Variants in NXPE2 observed in about 807,000 individuals in gnomAD.
NXPE2 encodes the protein neurexophilin and PC-esterase domain family member 2.
NXPE2 carries 34 observed loss-of-function variants against 34.4 expected under a neutral mutation model. The observed-to-expected ratio is 0.99, with a 90% CI of 0.75 to 1.31. The LOEUF is 1.31. Among genes scored for constraint, NXPE2 ranks in the 40% most tolerant of loss-of-function variants. NXPE2 has a pLI of 0.00. For missense variants in NXPE2, 649 were observed against 672.5 expected (o/e 0.97, Z 0.39); for synonymous variants, 235 against 231.3 (o/e 1.02, Z -0.15).
the NXPE2 span, among the ~76,000 whole-genome samples, chr11:114,651,801 A>C: frequency 2.9e-4 from 44 of 152,334 alleles, no homozygotes; most frequent in African/African-American, 1.0e-3. Flanking sequence ...CTAGACACAG[A>C]GTGCTGATTG....
At chr11:114,780,971 G>A in the NXPE2 span, among the ~76,000 whole-genome samples, 1 of 152,178 alleles carries the variant, frequency 6.6e-6, no homozygotes, top group African/African-American at 2.4e-5. Flanking sequence ...AGCGGCGTGA[G>A]GCTTGCCTAT....
chr11:114,594,709 T>C, the NXPE2 span: 5 of 1,604,590 alleles, frequency 3.1e-6, no homozygotes, highest in Non-Finnish European at 4.3e-6. Flanking sequence ...AGGAGGCTAA[T>C]ATAAACAACA....
At chr11:114,668,471 G>A in the NXPE2 span, among the ~76,000 whole-genome samples, 4 of 151,864 alleles carry the variant, frequency 2.6e-5, no homozygotes, top group African/African-American at 9.7e-5. Context: ...ACAAAAATTT[G>A]TGACAAGCAC....
At chr11:114,720,568 T>C in the NXPE2 span, among the ~76,000 whole-genome samples, 1 of 152,314 alleles carries the variant, frequency 6.6e-6, no homozygotes, top group South Asian at 2.1e-4. Flanking sequence ...ACACTTGAAA[T>C]GTAGCTGGTG....
chr11:114,613,649 T>G, the NXPE2 span, among the ~76,000 whole-genome samples: 1 of 151,860 alleles, frequency 6.6e-6, no homozygotes, highest in African/African-American at 2.4e-5. Flanking sequence ...AGTGTTGCCT[T>G]TGGTAACCAC....
At chr11:114,683,432 T>TA (rs1950982841) in intron 2 of NXPE2, among the ~76,000 whole-genome samples, 1 of 151,472 alleles carries the variant, frequency 6.6e-6, no homozygotes, top group Non-Finnish European at 1.5e-5. Flanking sequence ...AAAGTTTTTT[T>TA]TTTTTTTGAG....
the NXPE2 span, among the ~76,000 whole-genome samples, chr11:114,785,720 T>G: frequency 2.0e-5 from 3 of 152,194 alleles, no homozygotes; most frequent in Non-Finnish European, 2.9e-5. Flanking sequence ...CAACCAGAGC[T>G]CTTCACATTA....
the NXPE2 span, among the ~76,000 whole-genome samples, chr11:114,806,348 T>G: frequency 6.6e-6 from 1 of 152,184 alleles, no homozygotes; most frequent in Non-Finnish European, 1.5e-5. Context: ...AGACAGAGAA[T>G]GACTTGGACG....
chr11:114,790,748 A>G, the NXPE2 span, among the ~76,000 whole-genome samples: 1 of 152,324 alleles, frequency 6.6e-6, no homozygotes, highest in East Asian at 1.9e-4. Context: ...CTTTTCATTC[A>G]TCATCCTCTA....
At chr11:114,524,354 G>A in the NXPE2 span, among the ~76,000 whole-genome samples, 2 of 152,342 alleles carry the variant, frequency 1.3e-5, no homozygotes, top group East Asian at 3.9e-4. Flanking sequence ...TCCTTGCTTA[G>A]TTCCTCAGAG....
the NXPE2 span, among the ~76,000 whole-genome samples, chr11:114,660,833 TA>T: frequency 6.6e-6 from 1 of 152,150 alleles, no homozygotes; most frequent in Non-Finnish European, 1.5e-5. Context: ...TATGATTATC[TA>T]AATAGAAAAT....
the NXPE2 span, among the ~76,000 whole-genome samples, chr11:114,524,628 C>A: frequency 6.6e-6 from 1 of 152,022 alleles, no homozygotes; most frequent in African/African-American, 2.4e-5. Flanking sequence ...AATACCATGA[C>A]CCTGGAAACT....
At chr11:114,765,852 C>A in the NXPE2 span, among the ~76,000 whole-genome samples, 1 of 152,142 alleles carries the variant, frequency 6.6e-6, no homozygotes, top group Non-Finnish European at 1.5e-5. Context: ...CCTCTCTGCC[C>A]AATTCTTCTG....
chr11:114,527,225 A>G, the NXPE2 span: 1 of 152,426 alleles, frequency 6.6e-6, no homozygotes, highest in East Asian at 1.9e-4. Flanking sequence ...CACATTACCC[A>G]TATGATGTGA....
downstream of NXPE2, chr11:114,707,672 T>G (rs772747630): frequency 1.4e-4 from 23 of 167,014 alleles, no homozygotes; most frequent in Non-Finnish European, 2.7e-4. Flanking sequence ...AGAAACTTGG[T>G]ACCTATTAAA....
the NXPE2 span, among the ~76,000 whole-genome samples, chr11:114,585,845 C>A: frequency 6.6e-6 from 1 of 152,092 alleles, no homozygotes; most frequent in East Asian, 1.9e-4. Flanking sequence ...TGAATGCTGG[C>A]GGCTGTGTCA....
At chr11:114,492,496 G>A in the NXPE2 span, among the ~76,000 whole-genome samples, 3 of 151,630 alleles carry the variant, frequency 2.0e-5, no homozygotes, top group Admixed American at 1.3e-4. Flanking sequence ...ATATCTGTTA[G>A]GTCAACTTGA....
At chr11:114,573,471 AT>A in the NXPE2 span, among the ~76,000 whole-genome samples, 87,382 of 151,692 alleles carry the variant, frequency 0.58, 26,249 homozygotes, top group African/African-American at 0.76. Context: ...AAAGTCACCT[AT>A]TTAATAACAC....
the NXPE2 span, among the ~76,000 whole-genome samples, chr11:114,490,307 C>T: frequency 2.6e-5 from 4 of 152,010 alleles, no homozygotes; most frequent in South Asian, 8.3e-4. Flanking sequence ...ATTCATTGGC[C>T]TCCCCATCAA....
Sources: gnomAD v4.1 joint callset for allele counts (sites outside exome capture counted in the v4.1 genomes callset) on GRCh38, gnomAD v4.1.1 for gene constraint, MANE v1.5 for transcripts, NCBI Gene and HGNC (gene_info 2026-07-23, HGNC 2026-07-21) for gene names.